The following SPTBN4 variants were observed in gnomAD, a reference collection of about 807,000 sequenced individuals.
The protein encoded by SPTBN4 is spectrin beta, non-erythrocytic 4.
In SPTBN4, 96 loss-of-function variants were observed where a neutral mutation model predicts 277.8. The observed-to-expected ratio is 0.35, with a 90% CI of 0.29 to 0.41. The LOEUF is 0.41. Ranked by LOEUF, SPTBN4 falls within the 10% of genes least tolerant of loss-of-function variation. SPTBN4 has a pLI of 1.00. For missense variants in SPTBN4, 3,006 were observed against 3,595.7 expected, an observed-to-expected ratio of 0.84 and a Z score of 4.19; for synonymous variants, 1,481 against 1,580.3, an observed-to-expected ratio of 0.94 and a Z score of 1.49.
intron 20 of SPTBN4, chr19:40,534,649 C>G (rs186287368): frequency 2.6e-6 from 1 of 387,342 alleles, no homozygotes; most frequent in Non-Finnish European, 4.8e-6. Flanking sequence ...GATGGAGAAA[C>G]CAAGGCTCAG....
intron 13 of SPTBN4, among the ~76,000 whole-genome samples, chr19:40,511,945 GA>G (rs2080395363): frequency 6.6e-6 from 1 of 152,130 alleles, no homozygotes; most frequent in African/African-American, 2.4e-5. Context: ...CCAGCATGGT[GA>G]AACCCCGTCT....
intron 20 of SPTBN4, among the ~76,000 whole-genome samples, chr19:40,544,891 G>C (rs931739659): frequency 2.0e-5 from 3 of 149,724 alleles, no homozygotes; most frequent in African/African-American, 7.4e-5. Flanking sequence ...CAAACTCCTG[G>C]GCTCAAGCAT....
chr19:40,505,756 AAG>A (rs577957471), intron 12 of SPTBN4, among the ~76,000 whole-genome samples: 14 of 150,758 alleles, frequency 9.3e-5, no homozygotes, highest in African/African-American at 3.4e-4. Flanking sequence ...GGAAGGAAGA[AAG>A]AAAGGTGAAC....
chr19:40,565,271 A>AAATAG, intron 27 of SPTBN4, 152 bp from the exon 28 acceptor site: 1 of 980,054 alleles, frequency 1.0e-6, no homozygotes, highest in Non-Finnish European at 1.5e-6. Context: ...TCTCAAAAAA[A>AAATAG]AAAAGAAAAG....
At chr19:40,523,669 G>C in intron 17 of SPTBN4, 30 bp downstream of exon 17, 2 of 1,574,220 alleles carry the variant, frequency 1.3e-6, no homozygotes, top group Non-Finnish European at 1.7e-6. Flanking sequence ...CCACCCCAGG[G>C]AGGGGGCAGA....
intron 7 of SPTBN4, 110 bp downstream of exon 7, chr19:40,497,714 C>T (rs1159787095): frequency 5.9e-6 from 5 of 847,366 alleles, no homozygotes; most frequent in Non-Finnish European, 7.6e-6. Context: ...ATCCTGAGGC[C>T]TCTCCAAATC....
At chr19:40,537,275 G>T (rs777890263) in intron 20 of SPTBN4, among the ~76,000 whole-genome samples, 1 of 152,144 alleles carries the variant, frequency 6.6e-6, no homozygotes, top group African/African-American at 2.4e-5. Flanking sequence ...CTCCCAAAGT[G>T]CTGGGATTAC....
chr19:40,503,040 G>A, intron 11 of SPTBN4, 107 bp downstream of exon 11: 1 of 1,391,312 alleles, frequency 7.2e-7, no homozygotes. Flanking sequence ...GGAAGAGTTA[G>A]ATTAGTCTCC....
chr19:40,505,758 G>T (rs1220795499), intron 12 of SPTBN4, among the ~76,000 whole-genome samples: 2 of 151,770 alleles, frequency 1.3e-5, no homozygotes, highest in Non-Finnish European at 2.9e-5. Context: ...AAGGAAGAAA[G>T]AAAGGTGAAC....
intron 16 of SPTBN4, among the ~76,000 whole-genome samples, chr19:40,523,083 G>A (rs1255282574): frequency 2.0e-5 from 3 of 152,150 alleles, no homozygotes; most frequent in Non-Finnish European, 2.9e-5. Context: ...GCAGTGAGCC[G>A]GGATTGCACC....
intron 33 of SPTBN4, among the ~76,000 whole-genome samples, 153 bp downstream of exon 33, chr19:40,570,881 C>G (rs963153086): frequency 1.4e-5 from 2 of 141,160 alleles, no homozygotes; most frequent in Non-Finnish European, 3.0e-5. Flanking sequence ...GTGGTGGTGG[C>G]TTAAATCAAG....
intron 2 of SPTBN4, among the ~76,000 whole-genome samples, chr19:40,486,848 A>G (rs1351813561): frequency 6.6e-6 from 1 of 152,190 alleles, no homozygotes; most frequent in Non-Finnish European, 1.5e-5. Context: ...GAACAGGCAC[A>G]GAGTGTGCAT....
intron 17 of SPTBN4, among the ~76,000 whole-genome samples, chr19:40,528,159 C>T (rs1206446625): frequency 6.6e-6 from 1 of 151,528 alleles, no homozygotes; most frequent in Non-Finnish European, 1.5e-5. Flanking sequence ...CTCATTCTCT[C>T]TCTCTCCCTG....
chr19:40,484,578 TG>T (rs1262476927), intron 2 of SPTBN4, among the ~76,000 whole-genome samples: 1 of 152,088 alleles, frequency 6.6e-6, no homozygotes, highest in Non-Finnish European at 1.5e-5. Context: ...TTCCAGTTTA[TG>T]GGAGTCAGGG....
intron 6 of SPTBN4, 142 bp from the exon 7 acceptor site, chr19:40,497,347 G>A: frequency 1.5e-6 from 1 of 646,362 alleles, no homozygotes; most frequent in South Asian, 1.7e-5. Context: ...ATGCTGCACA[G>A]CACACACAGC....
chr19:40,471,704 C>T (rs2079885595), intron 1 of SPTBN4, among the ~76,000 whole-genome samples: 1 of 152,114 alleles, frequency 6.6e-6, no homozygotes, highest in Admixed American at 6.6e-5. Flanking sequence ...TCCTAAATAG[C>T]TGGGACTACG....
intron 35 of SPTBN4, chr19:40,572,651 G>A: frequency 2.0e-6 from 1 of 489,750 alleles, no homozygotes; most frequent in South Asian, 2.8e-5. Flanking sequence ...GGAATGGAGG[G>A]AGTTCGCTTT....
At chr19:40,551,040 C>A (rs1011706290) in intron 22 of SPTBN4, among the ~76,000 whole-genome samples, 1 of 152,192 alleles carries the variant, frequency 6.6e-6, no homozygotes, top group East Asian at 1.9e-4. Flanking sequence ...GGGTTTCGGA[C>A]TGCTCCTTGG....
At chr19:40,526,373 T>C (rs2080591929) in intron 17 of SPTBN4, among the ~76,000 whole-genome samples, 1 of 152,138 alleles carries the variant, frequency 6.6e-6, no homozygotes, top group Admixed American at 6.5e-5. Context: ...GGTTTTGCCA[T>C]GTTGGCCAGG....
Sources: gnomAD v4.1 joint callset for allele counts (sites outside exome capture counted in the v4.1 genomes callset) on GRCh38, gnomAD v4.1.1 for gene constraint, MANE v1.5 for transcripts, NCBI Gene and HGNC (gene_info 2026-07-23, HGNC 2026-07-21) for gene names.